Variants in CACNA1C observed in about 807,000 individuals in gnomAD.
CACNA1C encodes calcium voltage-gated channel subunit alpha1 C, also known as voltage-dependent L-type calcium channel subunit alpha-1C.
CACNA1C carries 30 observed loss-of-function variants against 229.0 expected under a neutral mutation model. That is an observed-to-expected ratio of 0.13 (90% CI 0.10 to 0.18). CACNA1C has a LOEUF of 0.18. Ranked by LOEUF, CACNA1C falls within the 10% of genes least tolerant of loss-of-function variation. The pLI is 1.00. For missense variants in CACNA1C, 1,658 were observed against 2,845.0 expected, an observed-to-expected ratio of 0.58 and a Z score of 9.49; for synonymous variants, 1,114 against 1,132.5, an observed-to-expected ratio of 0.98 and a Z score of 0.33.
intron 6 of CACNA1C, among the ~76,000 whole-genome samples, chr12:2,489,221 A>T (rs2099708407): frequency 6.6e-6 from 1 of 152,120 alleles, no homozygotes; most frequent in South Asian, 2.1e-4. Flanking sequence ...TTTTGATGAG[A>T]TTTACATCAA....
upstream of CACNA1C, among the ~76,000 whole-genome samples, chr12:2,052,175 A>C (rs1437126921): frequency 6.6e-6 from 1 of 152,152 alleles, no homozygotes; most frequent in Non-Finnish European, 1.5e-5. Flanking sequence ...AATAATTAAG[A>C]GAAGTAGGTA....
chr12:2,064,743 A>ATGACTC (rs2058728056), intron 1 of CACNA1C, among the ~76,000 whole-genome samples: 1 of 152,150 alleles, frequency 6.6e-6, no homozygotes, highest in Admixed American at 6.5e-5. Context: ...CCCCAGTTAA[A>ATGACTC]TGACTCTGGA....
chr12:2,194,928 A>G (rs2097356342), intron 3 of CACNA1C, among the ~76,000 whole-genome samples: 1 of 152,170 alleles, frequency 6.6e-6, no homozygotes, highest in South Asian at 2.1e-4. Context: ...GACATTGGGG[A>G]CACTTTATTC....
At chr12:1,995,364 C>T (rs2040555143) in intron 1 of CACNA1C, among the ~76,000 whole-genome samples, 1 of 152,218 alleles carries the variant, frequency 6.6e-6, no homozygotes, top group South Asian at 2.1e-4. Flanking sequence ...TACAGTGCAA[C>T]CCTATGGCTT....
At chr12:2,399,990 T>C (rs1170370170) in intron 3 of CACNA1C, among the ~76,000 whole-genome samples, 1 of 152,176 alleles carries the variant, frequency 6.6e-6, no homozygotes, top group Non-Finnish European at 1.5e-5. Flanking sequence ...ATTTAGACAG[T>C]GAGTCTTACA....
chr12:2,281,888 C>A (rs1055937478), intron 3 of CACNA1C, among the ~76,000 whole-genome samples: 13 of 151,954 alleles, frequency 8.6e-5, no homozygotes, highest in African/African-American at 2.7e-4. Flanking sequence ...TCCCCCCATT[C>A]CTGTGAGAAC....
chr12:2,603,727 G>GT (rs2073932508), intron 22 of CACNA1C: 1 of 152,218 alleles, frequency 6.6e-6, no homozygotes, highest in African/African-American at 2.4e-5. Flanking sequence ...GTAGTGCCAC[G>GT]TAGGAGCCAA....
chr12:2,111,420 C>T (rs1398276033), intron 1 of CACNA1C, among the ~76,000 whole-genome samples: 1 of 152,092 alleles, frequency 6.6e-6, no homozygotes. Flanking sequence ...TGTTCTCAGG[C>T]TGGGGCTTCC....
chr12:2,471,118 C>G (rs2099589713), intron 5 of CACNA1C, among the ~76,000 whole-genome samples: 1 of 152,178 alleles, frequency 6.6e-6, no homozygotes, highest in Non-Finnish European at 1.5e-5. Flanking sequence ...AGTTGTGAGC[C>G]ACTGTGCCTG....
At chr12:1,973,403 AAAAC>A (rs1355898959) in intron 1 of CACNA1C, among the ~76,000 whole-genome samples, 4 of 152,254 alleles carry the variant, frequency 2.6e-5, no homozygotes, top group African/African-American at 4.8e-5. Context: ...AATGCCATTA[AAAAC>A]AAACAAAACT....
intron 1 of CACNA1C, among the ~76,000 whole-genome samples, chr12:2,041,916 A>G (rs1261518017): frequency 6.6e-6 from 1 of 152,144 alleles, no homozygotes; most frequent in African/African-American, 2.4e-5. Context: ...GATCCCCCCA[A>G]AAGAGTTGTG....
intron 29 of CACNA1C, among the ~76,000 whole-genome samples, chr12:2,634,027 C>T (rs950009794): frequency 1.3e-5 from 2 of 152,176 alleles, no homozygotes; most frequent in Admixed American, 6.5e-5. Context: ...CACAGCCCCA[C>T]GCCACCTTTG....
chr12:2,562,596 C>G (rs913912906), intron 11 of CACNA1C, among the ~76,000 whole-genome samples: 2 of 152,214 alleles, frequency 1.3e-5, no homozygotes, highest in African/African-American at 4.8e-5. Flanking sequence ...GAGGTCGCCT[C>G]TCAAGAGGAC....
At chr12:2,089,242 CT>C (rs1386889829) in intron 1 of CACNA1C, among the ~76,000 whole-genome samples, 2 of 152,246 alleles carry the variant, frequency 1.3e-5, no homozygotes, top group Non-Finnish European at 2.9e-5. Flanking sequence ...TAAACCACCC[CT>C]GTCTGTCCCC....
chr12:2,573,948 AT>A (rs1484396281), intron 13 of CACNA1C, among the ~76,000 whole-genome samples: 1 of 152,210 alleles, frequency 6.6e-6, no homozygotes, highest in Non-Finnish European at 1.5e-5. Context: ...ACATACTGAC[AT>A]TTTTTGTGTT....
At chr12:2,313,832 A>G (rs1023044725) in intron 3 of CACNA1C, among the ~76,000 whole-genome samples, 4 of 152,166 alleles carry the variant, frequency 2.6e-5, no homozygotes, top group African/African-American at 7.2e-5. Flanking sequence ...CTTTTTATCT[A>G]TTGACACTTT....
At chr12:2,446,070 T>C (rs1180351737) in intron 3 of CACNA1C, among the ~76,000 whole-genome samples, 1 of 145,248 alleles carries the variant, frequency 6.9e-6, no homozygotes, top group Non-Finnish European at 1.5e-5. Context: ...AGTGGATGAG[T>C]AGATGGATGA....
chr12:1,993,010 C>T (rs1403703057), intron 1 of CACNA1C: 1 of 642,986 alleles, frequency 1.6e-6, no homozygotes, highest in Non-Finnish European at 2.7e-6. Context: ...TGGGTTCACA[C>T]TACAAATCCA....
In CACNA1C at chr12:2,436,776, C is replaced by A. The variant is rs115394592; in HGVS notation, c.478-12200C>A. On this transcript the variant is annotated intron_variant, in intron 3 of 46. Coordinates refer to ENST00000399655, the MANE Select transcript of CACNA1C (RefSeq NM_000719.7). ...CAGAAGCAAGTACTAGAAAACTCAACTCGGAATGACTTTCACAATAAGGAA... is the reference window on the plus strand; with the variant it reads ...CAGAAGCAAGTACTAGAAAACTCAAATCGGAATGACTTTCACAATAAGGAA... Among the ~76,000 whole-genome samples, 1,059 of 152,342 alleles carry A rather than the reference C, an allele frequency of 7.0e-3. 12 individuals carry two copies. Among genetic ancestry groups the A allele is most frequent in the African/African-American group, 0.024 (982 of 41,574 alleles).
Sources: gnomAD v4.1 joint callset for allele counts (sites outside exome capture counted in the v4.1 genomes callset) on GRCh38, gnomAD v4.1.1 for gene constraint, MANE v1.5 for transcripts, NCBI Gene and HGNC (gene_info 2026-07-23, HGNC 2026-07-21) for gene names.